SUPT3H: variants seen among roughly 807,000 people sequenced by gnomAD.
SUPT3H encodes the protein SPT3 homolog, SAGA and STAGA complex component.
Under a neutral mutation model 44.3 loss-of-function variants are expected in SUPT3H, and 44 were observed. The observed-to-expected ratio is 0.99, with a 90% confidence interval of 0.78 to 1.28. The LOEUF (loss-of-function observed/expected upper bound fraction) is 1.28. SUPT3H is among the 50% of genes most tolerant of loss of function. SUPT3H has a pLI of 0.00. For synonymous variants in SUPT3H, 124 were observed against 125.6 expected, an observed-to-expected ratio of 0.99 and a Z score of 0.09; for missense variants, 380 against 387.1, an observed-to-expected ratio of 0.98 and a Z score of 0.15.
chr6:45,179,295 A>T (rs983414882), intron 2 of SUPT3H, among the ~76,000 whole-genome samples: 2 of 152,216 alleles, frequency 1.3e-5, no homozygotes, highest in East Asian at 3.8e-4. Flanking sequence ...ATTCTATCAG[A>T]GGTACAAGGA....
intron 3 of SUPT3H, among the ~76,000 whole-genome samples, chr6:45,049,202 T>C (rs1789892289): frequency 6.6e-6 from 1 of 151,880 alleles, no homozygotes; most frequent in Non-Finnish European, 1.5e-5. Context: ...AGAAAGAAAA[T>C]GAGAAGAAAA....
intron 2 of SUPT3H, among the ~76,000 whole-genome samples, chr6:45,183,241 C>CT (rs1813596097): frequency 6.6e-6 from 1 of 152,106 alleles, no homozygotes; most frequent in South Asian, 2.1e-4. Flanking sequence ...TATGACTTCA[C>CT]TTATATAAAG....
chr6:45,230,340 A>G (rs1767726905), intron 2 of SUPT3H, among the ~76,000 whole-genome samples: 1 of 152,022 alleles, frequency 6.6e-6, no homozygotes, highest in Non-Finnish European at 1.5e-5. Flanking sequence ...AGGCCTGCAC[A>G]ATTATTTTAT....
chr6:44,820,421 A>G (rs1767221309), intron 11 of SUPT3H, among the ~76,000 whole-genome samples: 1 of 152,182 alleles, frequency 6.6e-6, no homozygotes. Flanking sequence ...AAGTCTTGGG[A>G]AAGTCAAGGG....
At chr6:45,032,629 T>C (rs1454512885) in intron 3 of SUPT3H, among the ~76,000 whole-genome samples, 1 of 152,148 alleles carries the variant, frequency 6.6e-6, no homozygotes, top group African/African-American at 2.4e-5. Context: ...GCAACACTCA[T>C]ACAGTTACAT....
At chr6:45,117,067 T>C (rs1316460819) in intron 2 of SUPT3H, among the ~76,000 whole-genome samples, 1 of 152,100 alleles carries the variant, frequency 6.6e-6, no homozygotes, top group East Asian at 1.9e-4. Flanking sequence ...TCAGAGTAGT[T>C]TGGCATTTAT....
intron 7 of SUPT3H, among the ~76,000 whole-genome samples, chr6:44,958,194 G>A (rs570515129): frequency 9.2e-5 from 14 of 152,272 alleles, no homozygotes; most frequent in African/African-American, 3.4e-4. Flanking sequence ...TTCAGCCTGC[G>A]CTGAACTTAA....
intron 1 of SUPT3H, among the ~76,000 whole-genome samples, chr6:45,373,699 C>T (rs576946684): frequency 9.2e-5 from 14 of 152,192 alleles, no homozygotes; most frequent in African/African-American, 3.1e-4. Context: ...TACAGGCATG[C>T]ACCACCATGC....
chr6:44,974,015 A>G lies in SUPT3H; in HGVS notation c.505-12187T>C, dbSNP rs116575436. ...ACACAGCCAAACTGTATCAATTGCT[A>G]TAACAGACTCCTAATGAGTCTTCCT... On this transcript the variant is annotated intron_variant, in intron 6 of 10. Transcript: ENST00000371459. Among the ~76,000 whole-genome samples the G allele has an allele frequency of 5.5e-3, 831 of 152,276 alleles. 8 individuals carry two copies. Among genetic ancestry groups the G allele is most frequent in the Non-Finnish European group, 8.0e-3 (543 of 68,026 alleles).
intron 2 of SUPT3H, among the ~76,000 whole-genome samples, chr6:45,364,315 A>C (rs992948571): frequency 1.7e-4 from 26 of 152,088 alleles, no homozygotes; most frequent in African/African-American, 6.0e-4. Flanking sequence ...ATCTGCTCAA[A>C]CTCATTTTAC....
chr6:45,093,789 T>C (rs568611117), intron 3 of SUPT3H, among the ~76,000 whole-genome samples: 10 of 152,230 alleles, frequency 6.6e-5, no homozygotes, highest in Non-Finnish European at 1.0e-4. Context: ...GATTCACATA[T>C]GAAAGCATAG....
chr6:44,877,813 A>G (rs991662394), intron 10 of SUPT3H, among the ~76,000 whole-genome samples: 2 of 152,086 alleles, frequency 1.3e-5, no homozygotes, highest in Non-Finnish European at 2.9e-5. Context: ...GAAGTCTGCC[A>G]TTCATATTTT....
rs148999647 is a variant in SUPT3H, at chr6:44,865,069, T to C, written c.913-35212A>G. Among the ~76,000 whole-genome samples, 808 of 152,348 alleles carry C rather than the reference T, an allele frequency of 5.3e-3. 5 individuals are homozygous for C. Among genetic ancestry groups the C allele is most frequent in the African/African-American group, 0.018 (754 of 41,574 alleles). On this transcript the variant is annotated intron_variant, in intron 10 of 10. Transcript: ENST00000371459. ...GATACCTTAAATCATCTCTCTCAAG[T>C]TGAAAGTTCCACAAGTCTCTAGGGC...
intron 2 of SUPT3H, among the ~76,000 whole-genome samples, chr6:45,213,304 A>G (rs977531134): frequency 6.6e-6 from 1 of 152,204 alleles, no homozygotes; most frequent in African/African-American, 2.4e-5. Context: ...TATAACAAAC[A>G]TGTATTTTTT....
chr6:44,935,308 T>C (rs981878734), intron 9 of SUPT3H, among the ~76,000 whole-genome samples: 1 of 152,198 alleles, frequency 6.6e-6, no homozygotes, highest in Non-Finnish European at 1.5e-5. Context: ...GATTCTAGCA[T>C]TATATTCTTC....
intron 10 of SUPT3H, among the ~76,000 whole-genome samples, chr6:44,895,247 T>TA (rs941219254): frequency 4.6e-5 from 6 of 130,308 alleles, no homozygotes; most frequent in Non-Finnish European, 7.8e-5. Context: ...TGTCATCACT[T>TA]AGTCTTGTTT....
intron 6 of SUPT3H, among the ~76,000 whole-genome samples, chr6:45,000,618 G>T (rs923913754): frequency 3.9e-5 from 6 of 151,946 alleles, no homozygotes; most frequent in Non-Finnish European, 5.9e-5. Context: ...TTCATTTCAG[G>T]TTAAGCAAAT....
At chr6:45,268,753 TAAG>T (rs1412362128) in intron 2 of SUPT3H, among the ~76,000 whole-genome samples, 2 of 152,156 alleles carry the variant, frequency 1.3e-5, no homozygotes, top group Non-Finnish European at 2.9e-5. Context: ...GTTAGATAAC[TAAG>T]AAGAATGTGT....
At chr6:45,288,212 A>G (rs542785271) in intron 2 of SUPT3H, among the ~76,000 whole-genome samples, 17 of 152,076 alleles carry the variant, frequency 1.1e-4, no homozygotes, top group Middle Eastern at 3.4e-3. Flanking sequence ...TTCCACCTCA[A>G]CCTCAAACAT....
Sources: allele counts gnomAD v4.1 joint callset (sites outside exome capture counted in the v4.1 genomes callset), GRCh38; gene constraint gnomAD v4.1.1; transcripts MANE v1.5; gene names NCBI Gene and HGNC (gene_info 2026-07-23, HGNC 2026-07-21).